The following FHIT variants were observed in gnomAD, a reference collection of about 807,000 sequenced individuals.
The protein encoded by FHIT is bis(5'-adenosyl)-triphosphatase.
FHIT carries 19 observed loss-of-function variants against 17.9 expected under a neutral mutation model. That is an observed-to-expected ratio of 1.06 (90% confidence interval 0.74 to 1.56). The LOEUF is 1.56. FHIT is among the 40% of genes most tolerant of loss of function. The pLI, the probability that FHIT is intolerant of heterozygous loss-of-function variation, is 0.00. For synonymous variants in FHIT, 81 were observed against 69.7 expected (o/e 1.16, Z -0.81); for missense variants, 248 against 189.2 (o/e 1.31, Z -1.82).
At chr3:60,907,040 G>T (rs1392517067) in intron 3 of FHIT, among the ~76,000 whole-genome samples, 1 of 152,024 alleles carries the variant, frequency 6.6e-6, no homozygotes, top group African/African-American at 2.4e-5. Flanking sequence ...ATCATCGATG[G>T]ACAATAGAAC....
intron 7 of FHIT, among the ~76,000 whole-genome samples, chr3:59,976,223 G>T (rs1209875787): frequency 6.6e-6 from 1 of 152,034 alleles, no homozygotes; most frequent in Non-Finnish European, 1.5e-5. Context: ...ATTCAACCTG[G>T]CTGAGCAAAT....
At chr3:60,572,961 C>T (rs2037438301) in intron 4 of FHIT, among the ~76,000 whole-genome samples, 1 of 152,112 alleles carries the variant, frequency 6.6e-6, no homozygotes, top group African/African-American at 2.4e-5. Flanking sequence ...GATGTCCCTA[C>T]AAGGTAGTTC....
chr3:60,940,805 T>C (rs1365718884), intron 3 of FHIT, among the ~76,000 whole-genome samples: 2 of 152,202 alleles, frequency 1.3e-5, no homozygotes, highest in Non-Finnish European at 2.9e-5. Context: ...GATGTAAAAC[T>C]AGTTGACTAT....
rs1301259714 is a variant in FHIT, at chr3:60,271,509, G to T, written c.104-257357C>A. Among the ~76,000 whole-genome samples the T allele has an allele frequency of 2.0e-5, 3 of 152,236 alleles. No individual in the cohort carries two copies. The South Asian group carries it at 6.2e-4, about 32-fold the overall frequency. ...TTCCCTATTAGCATCTCTGATAATGGATTTGTTCATTAACAAGTTAGGAAC... is the reference window on the plus strand; with the variant it reads ...TTCCCTATTAGCATCTCTGATAATGTATTTGTTCATTAACAAGTTAGGAAC... On this transcript the variant is annotated intron_variant, in intron 5 of 9. Coordinates refer to ENST00000492590, the MANE Select transcript of FHIT (RefSeq NM_002012.4).
At chr3:60,488,409 T>C (rs1273253583) in intron 5 of FHIT, among the ~76,000 whole-genome samples, 2 of 152,164 alleles carry the variant, frequency 1.3e-5, no homozygotes, top group African/African-American at 2.4e-5. Context: ...TTGTATCTGA[T>C]TCCAAGTAAC....
intron 5 of FHIT, among the ~76,000 whole-genome samples, chr3:60,232,072 C>T (rs17062560): frequency 0.017 from 2,638 of 152,256 alleles, 71 homozygotes; most frequent in African/African-American, 0.058. Context: ...CTCTTCAGTT[C>T]ATTCTTGAAT....
At chr3:60,498,272 C>T (rs2034384799) in intron 5 of FHIT, among the ~76,000 whole-genome samples, 2 of 151,938 alleles carry the variant, frequency 1.3e-5, no homozygotes, top group South Asian at 2.1e-4. Flanking sequence ...TTTTGTACTA[C>T]CAAAAATGAA....
chr3:60,483,220 A>G (rs2033690979), intron 5 of FHIT, among the ~76,000 whole-genome samples: 1 of 152,190 alleles, frequency 6.6e-6, no homozygotes, highest in Non-Finnish European at 1.5e-5. Flanking sequence ...CCAAGGCCAC[A>G]TGGATTCACA....
intron 8 of FHIT, among the ~76,000 whole-genome samples, chr3:59,797,499 A>C (rs967143759): frequency 6.6e-6 from 1 of 152,148 alleles, no homozygotes; most frequent in African/African-American, 2.4e-5. Context: ...AACAAATTTT[A>C]AAAATAGTGA....
chr3:59,768,452 G>A (rs17061173), intron 8 of FHIT, among the ~76,000 whole-genome samples: 18,869 of 152,150 alleles, frequency 0.12, 1,236 homozygotes, highest in South Asian at 0.24. Flanking sequence ...TGCATGGATG[G>A]CATTTCTTCC....
At chr3:60,960,785 G>C (rs1709388764) in intron 3 of FHIT, among the ~76,000 whole-genome samples, 1 of 152,180 alleles carries the variant, frequency 6.6e-6, no homozygotes, top group Non-Finnish European at 1.5e-5. Flanking sequence ...TGGCTGCATA[G>C]TATTCCATGT....
At chr3:60,706,191 A>C (rs1282532617) in intron 4 of FHIT, among the ~76,000 whole-genome samples, 1 of 151,304 alleles carries the variant, frequency 6.6e-6, no homozygotes, top group Non-Finnish European at 1.5e-5. Context: ...GGAATTGAAC[A>C]ATGAGAACAC....
chr3:61,134,190 A>T (rs1224565861), intron 2 of FHIT, among the ~76,000 whole-genome samples: 1 of 151,662 alleles, frequency 6.6e-6, no homozygotes, highest in East Asian at 1.9e-4. Flanking sequence ...GCCCAATATT[A>T]CCAAGGGTAG....
At chr3:61,021,625 CA>C (rs1167263642) in intron 3 of FHIT, among the ~76,000 whole-genome samples, 19 of 123,422 alleles carry the variant, frequency 1.5e-4, no homozygotes, top group Admixed American at 9.7e-4. Context: ...AAAAAAAGAA[CA>C]GAAATCATAA....
Position 60,149,808 on chromosome 3 carries a change from T to A in FHIT, c.104-135656A>T, listed in dbSNP as rs917318201. ...CCCCCTACCCCCCTACCCATAGAGA[T>A]TTGCTGTGGGATAGACACATGACCT... On this transcript the variant is annotated intron_variant, in intron 5 of 9. Transcript: ENST00000492590. Among the ~76,000 whole-genome samples, 8 of 141,552 alleles carry A rather than the reference T, an allele frequency of 5.7e-5. No homozygotes were observed. In the South Asian group the frequency reaches 1.2e-3, roughly 20 times the overall value. The allele number at this position is 141,552 out of a possible 152,430, so 92.9% of individuals were successfully genotyped here. A position where few individuals can be genotyped will look rare whatever the true frequency, so the allele number is the denominator to read the frequency against.
At chr3:59,805,557 C>G (rs79759823) in intron 8 of FHIT, among the ~76,000 whole-genome samples, 3,309 of 152,232 alleles carry the variant, frequency 0.022, 120 homozygotes, top group African/African-American at 0.073. Flanking sequence ...TGCTAAGTGT[C>G]CCCAGTTTAT....
rs139245075 is a variant in FHIT, at chr3:60,191,786, T to C, written c.104-177634A>G. Among the ~76,000 whole-genome samples, 1,243 of 152,128 alleles carry C rather than the reference T, an allele frequency of 8.2e-3. 11 individuals carry two copies. The highest frequency in any genetic ancestry group is 0.027 in the African/African-American group (1,101 of 41,504). On this transcript the variant is annotated intron_variant, in intron 5 of 9. Transcript: ENST00000492590. ...AATGTTTCATTTAAAACATAAAGCA[T>C]TGAAAACAGCAAAATGATTTAAAAT... is the stretch of plus-strand genomic sequence containing the variant.
chr3:60,990,481 C>T (rs1000697916), intron 3 of FHIT, among the ~76,000 whole-genome samples: 1 of 152,192 alleles, frequency 6.6e-6, no homozygotes, highest in Non-Finnish European at 1.5e-5. Flanking sequence ...TGTGACATTT[C>T]TTATTTTTAA....
At chr3:59,914,775 GT>G (rs1230022362) in intron 8 of FHIT, among the ~76,000 whole-genome samples, 1 of 150,554 alleles carries the variant, frequency 6.6e-6, no homozygotes, top group African/African-American at 2.4e-5. Context: ...TCTTTACCTA[GT>G]TTATCCATTT....
Sources: allele counts gnomAD v4.1 joint callset (sites outside exome capture counted in the v4.1 genomes callset), GRCh38; gene constraint gnomAD v4.1.1; transcripts MANE v1.5; gene names NCBI Gene and HGNC (gene_info 2026-07-23, HGNC 2026-07-21).